SLC6A9: variants seen among roughly 807,000 people sequenced by gnomAD.
SLC6A9 encodes the protein solute carrier family 6 member 9.
SLC6A9 carries 31 observed loss-of-function variants against 70.9 expected under a neutral mutation model. The ratio of observed to expected loss-of-function variants is 0.44; its 90% CI spans 0.33 to 0.59. The LOEUF (loss-of-function observed/expected upper bound fraction) is 0.59. Ranked by LOEUF, SLC6A9 falls within the 20% of genes least tolerant of loss-of-function variation. The pLI is 0.04. For missense variants in SLC6A9, 631 were observed against 845.2 expected (o/e 0.75, Z 3.14); for synonymous variants, 310 against 341.3 (o/e 0.91, Z 1.01).
chr1:44,009,958 G>C lies in SLC6A9; in HGVS notation c.319+7C>G. On this transcript the variant is annotated splice_region_variant and intron_variant, in intron 4 of 13. Transcript: ENST00000372310. ...ATGTGTGAGCGAGTGCCCCGCCCAGGCCTCACCTTTGAACATGGGGCTGAT... is the reference window on the plus strand; with the variant it reads ...ATGTGTGAGCGAGTGCCCCGCCCAGCCCTCACCTTTGAACATGGGGCTGAT... 1 of 1,613,792 alleles carries C rather than the reference G, an allele frequency of 6.2e-7. No homozygotes were observed. The highest frequency in any genetic ancestry group is 8.5e-7 in the Non-Finnish European group (1 of 1,179,820).
At chr1:44,008,858 T>C (rs2086427269) in intron 4 of SLC6A9, among the ~76,000 whole-genome samples, 1 of 151,438 alleles carries the variant, frequency 6.6e-6, no homozygotes. Context: ...TAGCTGGGAC[T>C]ACAGGCGCCC....
intron 5 of SLC6A9, among the ~76,000 whole-genome samples, chr1:44,003,759 A>AG (rs1404631394): frequency 3.1e-4 from 47 of 151,844 alleles, no homozygotes; most frequent in African/African-American, 1.1e-3. Flanking sequence ...AAAAAAAAAA[A>AG]AAAAAAAAAA....
At chr1:44,022,062 G>T (rs2086893872) in intron 2 of SLC6A9, among the ~76,000 whole-genome samples, 1 of 152,242 alleles carries the variant, frequency 6.6e-6, no homozygotes, top group Non-Finnish European at 1.5e-5. Flanking sequence ...AGGAGAGCGA[G>T]CCCCAGCTAT....
intron 2 of SLC6A9, among the ~76,000 whole-genome samples, chr1:44,022,410 A>G (rs780432348): frequency 2.8e-4 from 42 of 152,156 alleles, no homozygotes; most frequent in Non-Finnish European, 5.9e-5. Flanking sequence ...AGGTGGGGCC[A>G]TGTTTGGGTT....
chr1:44,028,554 G>A (rs1488747541), intron 1 of SLC6A9, among the ~76,000 whole-genome samples: 1 of 152,146 alleles, frequency 6.6e-6, no homozygotes, highest in East Asian at 1.9e-4. Flanking sequence ...TCAGGAGTCC[G>A]AGACCAGCCT....
At chr1:44,012,769 A>G (rs939596365) in intron 2 of SLC6A9, among the ~76,000 whole-genome samples, 3 of 152,230 alleles carry the variant, frequency 2.0e-5, no homozygotes, top group Non-Finnish European at 4.4e-5. Flanking sequence ...GAGGTCAAGG[A>G]AGGTCTCCCT....
chr1:44,017,116 CGT>C, intron 2 of SLC6A9: 4 of 1,606,296 alleles, frequency 2.5e-6, no homozygotes, highest in Non-Finnish European at 3.4e-6. Flanking sequence ...TCGCAGCCCG[CGT>C]GTCTCCGCCG....
chr1:44,000,698 T>A lies in SLC6A9; in HGVS notation c.1536+69A>T, dbSNP rs140325251. 26 of 1,041,694 alleles carry A rather than the reference T, an allele frequency of 2.5e-5. No individual in the cohort carries two copies. The African/African-American group carries it at 3.8e-4, about 15-fold the overall frequency. The allele number at this position is 1,041,694 out of a possible 1,614,324, so 64.5% of individuals were successfully genotyped here. On this transcript the variant is annotated intron_variant, in intron 12 of 13. Coordinates refer to ENST00000372310, the MANE Select transcript of SLC6A9 (RefSeq NM_001024845.3). ...GCGGGAGCTCCCACTGTCCCTCCGC[T>A]GGGTCCCAAGAGATGGACACATGGC... is the stretch of plus-strand genomic sequence containing the variant.
At position 44,001,072 on chromosome 1, in the gene SLC6A9, A is replaced by G; in HGVS notation, c.1336-17T>C. 6.3e-7 allele frequency: 1 copy of G among 1,596,644 alleles called. No homozygotes were observed. Among genetic ancestry groups the G allele is most frequent in the Non-Finnish European group, 8.5e-7 (1 of 1,169,762 alleles). On this transcript the variant is annotated splice_polypyrimidine_tract_variant and intron_variant, in intron 10 of 13. Transcript: ENST00000372310. ...GATGCCTGCCTGGGGAACAGCGGGC[A>G]GCTGTGGGAGGCGCCTGCAGCCCGG...
At chr1:44,020,433 G>A (rs192105874) in intron 2 of SLC6A9, among the ~76,000 whole-genome samples, 62 of 152,310 alleles carry the variant, frequency 4.1e-4, no homozygotes, top group Admixed American at 2.3e-3. Flanking sequence ...CCCAATGTGC[G>A]CCCAGCTCTG....
chr1:44,000,804 T>C lies in SLC6A9; in HGVS notation c.1499A>G (p.Gln500Arg), dbSNP rs754303293. 2 of 1,611,854 alleles carry C rather than the reference T, an allele frequency of 1.2e-6. No individual in the cohort carries two copies. The highest frequency in any genetic ancestry group is 1.7e-6 in the Non-Finnish European group (2 of 1,179,034). Residue 500 changes from glutamine (Q) to arginine (R), a missense_variant, in exon 12 of 14, where the codon CAG becomes CGG. Physicochemically the swap from Gln to Arg is conservative, Grantham distance 43. Transcript: ENST00000372310. ...MLGFPPPLFFQICWRFVSPAI... is the reference protein window; with the variant it reads ...MLGFPPPLFFRICWRFVSPAI... ...GGGAGAGACGAAGCGCCAGCAGATC[T>C]GAAAGAAGAGGGGTGGTGGGAATCC...
intron 4 of SLC6A9, 136 bp downstream of exon 4, chr1:44,009,829 T>C: frequency 9.5e-7 from 1 of 1,049,368 alleles, no homozygotes; most frequent in South Asian, 1.6e-5. Flanking sequence ...GCTTAGGCCG[T>C]TGATGTGGGG....
Position 44,010,733 on chromosome 1 carries a change from G to A in SLC6A9, c.180C>T (p.Asn60=), listed in dbSNP as rs201594396. The part of the protein sequence containing the change: ...VWRFPYLCYR[N]GGGAFMFPYF... ...CCTGTGCCCACTGGGTACCTCCCCC[G>A]TTGCGATAGCAGAGGTATGGGAAGC... Residue 60 remains asparagine, a synonymous_variant, in exon 3 of 14, where the codon AAC becomes AAT. Coordinates refer to ENST00000372310, the MANE Select transcript of SLC6A9 (RefSeq NM_001024845.3). 27 of 1,614,108 alleles carry A rather than the reference G, an allele frequency of 1.7e-5. No homozygotes were observed. Among genetic ancestry groups the A allele is most frequent in the East Asian group, 2.2e-5 (1 of 44,866 alleles).
intron 1 of SLC6A9, chr1:44,030,568 T>G (rs1487845831): frequency 6.6e-6 from 1 of 151,720 alleles, no homozygotes; most frequent in Non-Finnish European, 1.5e-5. Context: ...GTAATGAGGG[T>G]TGGGGTGGGG....
intron 2 of SLC6A9, among the ~76,000 whole-genome samples, chr1:44,016,168 G>T (rs916863367): frequency 1.3e-5 from 2 of 152,312 alleles, no homozygotes; most frequent in South Asian, 4.1e-4. Context: ...CCAGCTCCTC[G>T]CTTCCCACCC....
Position 44,008,427 on chromosome 1 carries a change from G to A in SLC6A9, c.516C>T (p.Ala172=), listed in dbSNP as rs149578481. 53 of 1,613,988 alleles carry A rather than the reference G, an allele frequency of 3.3e-5. No individual in the cohort carries two copies. The highest frequency in any genetic ancestry group is 2.5e-4 in the African/African-American group (19 of 74,946). The change falls in exon 5 of 14, where the codon GCC becomes GCT. Residue 172 remains alanine, a synonymous_variant. Coordinates refer to ENST00000372310, the MANE Select transcript of SLC6A9 (RefSeq NM_001024845.3). The stretch of plus-strand genomic sequence containing the variant: ...GGTGGGAGAGGTTGCTGGGCAAGGC[G>A]GCTGGCCGAGAGCCATTGGTGAGGT... ...ASNLTNGSRP[A]ALPSNLSHLL...
chr1:44,025,617 T>C (rs1434476220), intron 1 of SLC6A9, among the ~76,000 whole-genome samples: 1 of 151,834 alleles, frequency 6.6e-6, no homozygotes, highest in African/African-American at 2.4e-5. Context: ...CTGGCCAACA[T>C]GGTGAAACCC....
intron 2 of SLC6A9, among the ~76,000 whole-genome samples, chr1:44,022,164 C>T (rs186473882): frequency 1.3e-5 from 2 of 152,234 alleles, no homozygotes; most frequent in Admixed American, 6.5e-5. Flanking sequence ...AGAGCACAGT[C>T]CGGGAAGCTC....
At chr1:44,015,226 T>C (rs1016952723) in intron 2 of SLC6A9, among the ~76,000 whole-genome samples, 21 of 152,352 alleles carry the variant, frequency 1.4e-4, no homozygotes, top group African/African-American at 5.1e-4. Context: ...GATGCACTCC[T>C]GCCTTTTGCT....
Sources: allele counts gnomAD v4.1 joint callset (sites outside exome capture counted in the v4.1 genomes callset), GRCh38; gene constraint gnomAD v4.1.1; transcripts MANE v1.5; gene names NCBI Gene and HGNC (gene_info 2026-07-23, HGNC 2026-07-21).